The following CES4A variants were observed in gnomAD, a reference collection of about 807,000 sequenced individuals.
The protein encoded by CES4A is carboxylesterase 6.
A neutral mutation model predicts 65.4 loss-of-function variants in CES4A; 48 were observed. The observed-to-expected ratio is 0.73, with a 90% confidence interval of 0.58 to 0.93. CES4A has a LOEUF of 0.93. Among genes scored for constraint, CES4A ranks in the 40% least tolerant of loss-of-function variants. The pLI, the probability that CES4A is intolerant of heterozygous loss-of-function variation, is 0.00. For missense variants in CES4A, 685 were observed against 728.5 expected, an observed-to-expected ratio of 0.94 and a Z score of 0.69; for synonymous variants, 247 against 281.8, an observed-to-expected ratio of 0.88 and a Z score of 1.24.
intron 1 of CES4A, among the ~76,000 whole-genome samples, chr16:66,991,087 C>A (rs576695822): frequency 3.3e-5 from 5 of 152,024 alleles, no homozygotes; most frequent in Non-Finnish European, 5.9e-5. Context: ...CACAGTGATG[C>A]GATCTTGGCT....
rs1284808184 is a variant in CES4A, at chr16:67,001,502, T to G, written c.690+41T>G. ...AGACGGACCGAGCACAGACTTAGGC[T>G]CCTGCGTTCCCACAAATGTATGCTC... On this transcript the variant is annotated intron_variant, in intron 5 of 13. Transcript: ENST00000648724. This position sits in a 1 kb window ranked among gnomAD's most constrained non-coding sequence, Gnocchi z 4.1. 6.5e-7 allele frequency: 1 copy of G among 1,544,920 alleles called. No homozygotes were observed. The highest frequency in any genetic ancestry group is 8.7e-7 in the Non-Finnish European group (1 of 1,145,714).
At chr16:67,004,046 C>G (rs1461009333) in intron 8 of CES4A, 38 bp from the exon 9 acceptor site, 2 of 1,611,634 alleles carry the variant, frequency 1.2e-6, no homozygotes, top group Non-Finnish European at 1.7e-6. Flanking sequence ...TGGGAGGATA[C>G]TTGAGGAGAC....
In CES4A at chr16:67,000,545, T is replaced by C. The variant is rs1597078506; in HGVS notation, c.261-93T>C. Reference sequence around the variant, plus strand: ...CACGCACACGCACGCGCACAGACGCTGCCTGGATTTTGCTTTGGGTTCCGT... The same window carrying C: ...CACGCACACGCACGCGCACAGACGCCGCCTGGATTTTGCTTTGGGTTCCGT... On this transcript the variant is annotated intron_variant, in intron 2 of 13. Coordinates refer to ENST00000648724, the Ensembl canonical transcript of CES4A. The surrounding 1 kb of genome is among the most constrained non-coding windows in gnomAD (Gnocchi z 4.2). The C allele has an allele frequency of 6.8e-7, 1 of 1,478,988 alleles. No individual in the cohort carries two copies. The highest frequency in any genetic ancestry group is 2.5e-5 in the East Asian group (1 of 39,924). 91.6% of individuals were successfully genotyped at this position (1,478,988 alleles called of 1,614,324 possible).
intron 1 of CES4A, among the ~76,000 whole-genome samples, chr16:66,995,178 C>CG (rs1964738002): frequency 6.6e-6 from 1 of 150,568 alleles, no homozygotes; most frequent in Non-Finnish European, 1.5e-5. Flanking sequence ...GGTGTGGTGG[C>CG]GGGCGCCTGT....
At chr16:66,992,137 G>A (rs1197591823) in intron 1 of CES4A, among the ~76,000 whole-genome samples, 4 of 152,236 alleles carry the variant, frequency 2.6e-5, no homozygotes, top group South Asian at 4.1e-4. Context: ...TGAGACTGCA[G>A]GCTGGTCACG....
rs1471363118 is a variant in CES4A at position 66,995,909 on chromosome 16, GAGA to G, written c.260+85_260+87del. Reference sequence around the variant, plus strand: ...TGGGTGGGGCTTTGCACAGCTCACTGAGAAGAACTCACTGTGTGATCACAGGCA... The same window carrying G: ...TGGGTGGGGCTTTGCACAGCTCACTGAGAACTCACTGTGTGATCACAGGCA... On this transcript the variant is annotated intron_variant, in intron 2 of 13. Transcript: ENST00000648724. 9.7e-6 allele frequency: 13 copies of G among 1,334,948 alleles called. No homozygotes were observed. In the South Asian group the frequency reaches 1.1e-4, roughly 12 times the overall value. The allele number at this position is 1,334,948 out of a possible 1,614,324, so 82.7% of individuals were successfully genotyped here. A position where few individuals can be genotyped will look rare whatever the true frequency, so the allele number is the denominator to read the frequency against.
At chr16:67,004,700 A>C in intron 9 of CES4A, 93 bp from the exon 10 acceptor site, 1 of 981,508 alleles carries the variant, frequency 1.0e-6, no homozygotes, top group Admixed American at 2.0e-5. Flanking sequence ...TCATCATTAG[A>C]TGGGCAAGAC....
exon 10 of CES4A, chr16:67,004,853 T>G: frequency 6.5e-7 from 1 of 1,536,044 alleles, no homozygotes. Flanking sequence ...TAAGATGCTC[T>G]GGAGTACCCG....
chr16:66,989,069 A>G (rs1394868782), intron 1 of CES4A, among the ~76,000 whole-genome samples: 1 of 152,134 alleles, frequency 6.6e-6, no homozygotes, highest in East Asian at 1.9e-4. Context: ...GGCACAGGTG[A>G]AGGGGTCTGA....
exon 14 of CES4A, chr16:67,009,424 T>C: frequency 3.1e-6 from 1 of 318,640 alleles, no homozygotes; most frequent in South Asian, 1.0e-4. Context: ...CTCTCCAGCC[T>C]CAGGACAACC....
chr16:66,991,184 C>G (rs957692249), intron 1 of CES4A, among the ~76,000 whole-genome samples: 1 of 152,050 alleles, frequency 6.6e-6, no homozygotes, highest in Admixed American at 6.6e-5. Flanking sequence ...ACCACCACGC[C>G]CAGCTAATTT....
chr16:67,009,409 C>G (rs1034008942), exon 14 of CES4A: 2 of 360,904 alleles, frequency 5.5e-6, no homozygotes, highest in Non-Finnish European at 1.0e-5. Context: ...CCACACTGTG[C>G]TCAGCTCTCC....
In CES4A at chr16:67,001,087, G is replaced by C. The variant is rs1297259116; in HGVS notation, c.536+97G>C. On this transcript the variant is annotated intron_variant, in intron 4 of 13. Coordinates refer to ENST00000648724, the Ensembl canonical transcript of CES4A. The surrounding 1 kb of genome is among the most constrained non-coding windows in gnomAD (Gnocchi z 4.1). ...CGGGGCCTGGGGCGGGGATGGGGGGGGTGGGGCCGCGAGGCGGGGGCGGGG... is the reference window on the plus strand; with the variant it reads ...CGGGGCCTGGGGCGGGGATGGGGGGCGTGGGGCCGCGAGGCGGGGGCGGGG... 7 of 1,103,202 alleles carry C rather than the reference G, an allele frequency of 6.3e-6. No homozygotes were observed. Among genetic ancestry groups the C allele is most frequent in the African/African-American group, 3.2e-5 (2 of 62,826 alleles). The allele number at this position is 1,103,202 out of a possible 1,614,324, so 68.3% of individuals were successfully genotyped here.
In CES4A at chr16:67,001,118, C is replaced by T. The variant is rs1965301376; in HGVS notation, c.536+128C>T. 4 of 1,332,438 alleles carry T rather than the reference C, an allele frequency of 3.0e-6. No homozygotes were observed. The highest frequency in any genetic ancestry group is 2.5e-5 in the East Asian group (1 of 39,478). 82.5% of individuals were successfully genotyped at this position (1,332,438 alleles called of 1,614,324 possible). A position where few individuals can be genotyped will look rare whatever the true frequency, so the allele number is the denominator to read the frequency against. ...GCCGCGAGGCGGGGGCGGGGCCTGG[C>T]GCTCGGTGGAAGGGGCGGGCGCTCC... On this transcript the variant is annotated intron_variant, in intron 4 of 13. Transcript: ENST00000648724. This position sits in a 1 kb window ranked among gnomAD's most constrained non-coding sequence, Gnocchi z 4.1.
intron 12 of CES4A, 90 bp from the exon 13 acceptor site, chr16:67,006,655 T>G: frequency 6.5e-7 from 1 of 1,544,982 alleles, no homozygotes; most frequent in Non-Finnish European, 8.9e-7. Context: ...GAAAGTCTTC[T>G]GCTCCGGAAG....
intron 2 of CES4A, among the ~76,000 whole-genome samples, chr16:66,997,785 T>C (rs1298307146): frequency 2.0e-5 from 3 of 151,994 alleles, no homozygotes; most frequent in African/African-American, 4.8e-5. Flanking sequence ...GCTTGAGCAA[T>C]GTAGTGAGAC....
chr16:67,005,462 G>T, intron 11 of CES4A, 69 bp downstream of exon 11: 1 of 1,500,424 alleles, frequency 6.7e-7, no homozygotes. Context: ...TTACCAACTG[G>T]GCTTATCGAC....
intron 1 of CES4A, among the ~76,000 whole-genome samples, chr16:66,993,671 G>A (rs573202449): frequency 6.6e-6 from 1 of 152,286 alleles, no homozygotes; most frequent in African/African-American, 2.4e-5. Context: ...TTGTAGATGA[G>A]CTGTGCTCAC....
At chr16:67,005,662 C>T (rs1054807316) in intron 11 of CES4A, 2 of 370,288 alleles carry the variant, frequency 5.4e-6, no homozygotes, top group Non-Finnish European at 9.7e-6. Flanking sequence ...GCCTCACCAA[C>T]ATGGTGAAAA....
Sources: gnomAD v4.1 joint callset for allele counts (sites outside exome capture counted in the v4.1 genomes callset) on GRCh38, gnomAD v4.1.1 for gene constraint, Gnocchi (gnomAD v3.1) non-coding constraint, MANE v1.5 for transcripts, NCBI Gene and HGNC (gene_info 2026-07-23, HGNC 2026-07-21) for gene names.